E2F3: variants seen among roughly 807,000 people sequenced by gnomAD.
The protein encoded by E2F3 is E2F transcription factor 3.
A neutral mutation model predicts 44.4 loss-of-function variants in E2F3; 11 were observed. The ratio of observed to expected loss-of-function variants is 0.25; its 90% confidence interval spans 0.16 to 0.41. The LOEUF is 0.41. Among genes scored for constraint, E2F3 ranks in the 10% least tolerant of loss-of-function variants. The pLI is 1.00. For synonymous variants in E2F3, 249 were observed against 253.0 expected (o/e 0.98, Z 0.15); for missense variants, 487 against 583.6 (o/e 0.83, Z 1.70).
intron 1 of E2F3, among the ~76,000 whole-genome samples, chr6:20,417,399 T>C (rs528452269): frequency 1.3e-5 from 2 of 152,310 alleles, no homozygotes; most frequent in South Asian, 4.1e-4. Flanking sequence ...TTGGATTACA[T>C]ACAGTCTGAA....
At chr6:20,423,915 C>A (rs534341746) in intron 1 of E2F3, among the ~76,000 whole-genome samples, 1 of 151,998 alleles carries the variant, frequency 6.6e-6, no homozygotes, top group Admixed American at 6.6e-5. Context: ...ATTACAGGTA[C>A]CTGCCACCAT....
At chr6:20,480,417 T>C (rs1213678919) in intron 2 of E2F3, among the ~76,000 whole-genome samples, 1 of 152,204 alleles carries the variant, frequency 6.6e-6, no homozygotes, top group Admixed American at 6.5e-5. Context: ...TCAAATACTA[T>C]TACCGTTTCT....
At chr6:20,434,869 C>T (rs775917977) in intron 1 of E2F3, among the ~76,000 whole-genome samples, 10 of 152,112 alleles carry the variant, frequency 6.6e-5, no homozygotes, top group Non-Finnish European at 1.2e-4. Context: ...TGAACAAAGG[C>T]ACACGCATAA....
chr6:20,457,348 C>CTTTTTTTTTTTT (rs60238519), intron 1 of E2F3, among the ~76,000 whole-genome samples: 8 of 109,486 alleles, frequency 7.3e-5, no homozygotes, highest in East Asian at 2.7e-4. Context: ...CTTATTTTTT[C>CTTTTTTTTTTTT]TTTTTTTTTT....
intron 1 of E2F3, among the ~76,000 whole-genome samples, chr6:20,422,769 T>C (rs1164000445): frequency 6.6e-6 from 1 of 152,184 alleles, no homozygotes; most frequent in Admixed American, 6.5e-5. Flanking sequence ...TGGCTATCAA[T>C]TAAGTTTGCC....
chr6:20,412,641 G>T (rs1759713798), intron 1 of E2F3, among the ~76,000 whole-genome samples: 1 of 152,126 alleles, frequency 6.6e-6, no homozygotes, highest in South Asian at 2.1e-4. Flanking sequence ...TGAGTGGTGT[G>T]GGGATTGTTC....
At chr6:20,458,139 A>ACC (rs1362965144) in intron 1 of E2F3, among the ~76,000 whole-genome samples, 5 of 152,214 alleles carry the variant, frequency 3.3e-5, no homozygotes, top group Admixed American at 1.3e-4. Context: ...GCTAACTAAG[A>ACC]CCTTGTTCTG....
At chr6:20,429,174 C>G (rs1760314720) in intron 1 of E2F3, among the ~76,000 whole-genome samples, 1 of 152,208 alleles carries the variant, frequency 6.6e-6, no homozygotes, top group South Asian at 2.1e-4. Context: ...AAGTCTTGCT[C>G]TCAGATAATT....
chr6:20,437,094 A>C (rs1443626373), intron 1 of E2F3, among the ~76,000 whole-genome samples: 2 of 152,168 alleles, frequency 1.3e-5, no homozygotes, highest in African/African-American at 4.8e-5. Flanking sequence ...GTGCTGCTGC[A>C]CTCCAGCTTG....
chr6:20,431,136 C>T lies in E2F3; in HGVS notation c.393+28511C>T, dbSNP rs113196094. On this transcript the variant is annotated intron_variant, in intron 1 of 6. Coordinates refer to ENST00000346618, the MANE Select transcript of E2F3 (RefSeq NM_001949.5). The stretch of plus-strand genomic sequence containing the variant: ...AAGAGTGTGCTGAAAATGAGCATGC[C>T]GGAGACACGGTATTCCTCAACACTT... 2.3e-3 allele frequency among the ~76,000 whole-genome samples: 354 copies of T among 152,206 alleles called. 2 individuals are homozygous for T. The highest frequency in any genetic ancestry group is 4.3e-3 in the Admixed American group (65 of 15,292).
At chr6:20,404,735 G>T (rs561390718) in intron 1 of E2F3, among the ~76,000 whole-genome samples, 1 of 152,250 alleles carries the variant, frequency 6.6e-6, no homozygotes, top group East Asian at 1.9e-4. Context: ...GTTTTTTAGT[G>T]ACTAGGGTCT....
chr6:20,403,597 G>A, intron 1 of E2F3: 3 of 463,050 alleles, frequency 6.5e-6, no homozygotes, highest in Middle Eastern at 1.2e-3. Context: ...GCGCTGGAGG[G>A]GGAGAGGGGG....
chr6:20,408,287 T>C (rs1389847889), intron 1 of E2F3, among the ~76,000 whole-genome samples: 1 of 152,130 alleles, frequency 6.6e-6, no homozygotes, highest in East Asian at 1.9e-4. Context: ...CCACAGAAGG[T>C]ACTAAAAAGC....
chr6:20,402,194 A>G lies in E2F3; in HGVS notation c.-39A>G, dbSNP rs749084306. 17 of 1,542,846 alleles carry G rather than the reference A, an allele frequency of 1.1e-5. No individual in the cohort carries two copies. The East Asian group carries it at 2.8e-4, about 25-fold the overall frequency. On this transcript the variant is annotated 5_prime_UTR_variant, in exon 1 of 7. Transcript: ENST00000346618. This position sits in a 1 kb window ranked among gnomAD's most constrained non-coding sequence, Gnocchi z 5.6. ...ATAATAAAGAAATTGAAAACAATAC[A>G]TTAATATACCATAACACTAAAAAGA...
chr6:20,479,909 C>T lies in E2F3; in HGVS notation c.457C>T (p.Pro153Ser). 3 of 1,612,806 alleles carry T rather than the reference C, an allele frequency of 1.9e-6. No individual in the cohort carries two copies. The highest frequency in any genetic ancestry group is 2.2e-5 in the East Asian group (1 of 44,868). The change falls in exon 2 of 7, where the codon CCC becomes TCC. Residue 153 changes from proline to serine, a missense_variant. Transcript: ENST00000346618. ...GTACCTCTCAGATGGTTTAAAAACCCCCAAGGGCAAAGGAAGAGCTGCACT... is the reference window on the plus strand; with the variant it reads ...GTACCTCTCAGATGGTTTAAAAACCTCCAAGGGCAAAGGAAGAGCTGCACT... ...HQYLSDGLKT[P>S]KGKGRAALRS...
At chr6:20,471,993 A>C (rs892749203) in intron 1 of E2F3, among the ~76,000 whole-genome samples, 1 of 150,944 alleles carries the variant, frequency 6.6e-6, no homozygotes, top group Non-Finnish European at 1.5e-5. Context: ...GAAGTCATCT[A>C]TAGAGATTAA....
chr6:20,475,421 G>A (rs1003445679), intron 1 of E2F3, among the ~76,000 whole-genome samples: 15 of 152,204 alleles, frequency 9.9e-5, no homozygotes, highest in African/African-American at 3.4e-4. Context: ...CCAGCCTGCT[G>A]ACCAGTGGGT....
chr6:20,481,128 G>A, intron 2 of E2F3, 78 bp from the exon 3 acceptor site: 5 of 1,347,486 alleles, frequency 3.7e-6, no homozygotes, highest in Non-Finnish European at 5.2e-6. Flanking sequence ...AAGAGAGCTT[G>A]CTTGACTGCA....
intron 1 of E2F3, chr6:20,445,090 C>T: frequency 2.0e-6 from 2 of 985,402 alleles, no homozygotes; most frequent in Non-Finnish European, 2.4e-6. Context: ...CTCAGTCGGG[C>T]TGGAGAGTCG....
Sources: gnomAD v4.1 joint callset for allele counts (sites outside exome capture counted in the v4.1 genomes callset) on GRCh38, gnomAD v4.1.1 for gene constraint, Gnocchi (gnomAD v3.1) non-coding constraint, MANE v1.5 for transcripts, NCBI Gene and HGNC (gene_info 2026-07-23, HGNC 2026-07-21) for gene names.